RP1: variants seen among roughly 807,000 people sequenced by gnomAD.
RP1 encodes the protein oxygen-regulated protein 1.
Under a neutral mutation model 14.8 loss-of-function variants are expected in RP1, and 16 were observed. That is an observed-to-expected ratio of 1.08 (90% CI 0.73 to 1.65). RP1 has a LOEUF of 1.65. RP1 is among the 40% of genes most tolerant of loss of function. The pLI, the probability that RP1 is intolerant of heterozygous loss-of-function variation, is 0.00. For missense variants in RP1, 2,631 were observed against 2,535.0 expected (o/e 1.04, Z -0.81); for synonymous variants, 876 against 883.6 (o/e 0.99, Z 0.15).
At chr8:54,758,871 CCTCGGA>C in intron 21 of RP1, 1 of 1,519,390 alleles carries the variant, frequency 6.6e-7, no homozygotes, top group Non-Finnish European at 8.8e-7. Context: ...ATTTGTCATG[CCTCGGA>C]CTCTAGTTAT....
chr8:54,617,974 T>C (rs1362462315), intron 1 of RP1, among the ~76,000 whole-genome samples: 1 of 152,214 alleles, frequency 6.6e-6, no homozygotes, highest in Non-Finnish European at 1.5e-5. Context: ...TATCATAGGC[T>C]CTTAAGACTC....
chr8:54,784,767 T>G (rs1429799265), intron 24 of RP1, among the ~76,000 whole-genome samples: 1 of 152,114 alleles, frequency 6.6e-6, no homozygotes, highest in Non-Finnish European at 1.5e-5. Context: ...TTTAATAATT[T>G]TAATTAAAAT....
chr8:54,727,152 T>A (rs1030912180), intron 17 of RP1, among the ~76,000 whole-genome samples: 6 of 152,134 alleles, frequency 3.9e-5, no homozygotes, highest in African/African-American at 1.2e-4. Flanking sequence ...GTATGCTAGC[T>A]TTTCTTTTAG....
At position 54,625,231 on chromosome 8, in the gene RP1, C is replaced by G; in HGVS notation, c.1349C>G (p.Pro450Arg). Residue 450 changes from proline (P) to arginine (R), a missense_variant, in exon 4 of 4, where the codon CCT becomes CGT. Physicochemically the swap from Pro to Arg is moderately radical, Grantham distance 103. Coordinates refer to ENST00000220676, the MANE Select transcript of RP1 (RefSeq NM_006269.2). ...DQAKHRFYRP[P>R]TPGLRRVRQK... ...GCAAAGCATCGTTTTTATAGGCCCC[C>G]TACACCTGGACTAAGAAGAGTGAGA... 1 of 1,614,120 alleles carries G rather than the reference C, an allele frequency of 6.2e-7. No homozygotes were observed. The highest frequency in any genetic ancestry group is 1.1e-5 in the South Asian group (1 of 91,078).
At chr8:54,600,259 A>G (rs1035449182) in intron 1 of RP1, among the ~76,000 whole-genome samples, 1 of 152,190 alleles carries the variant, frequency 6.6e-6, no homozygotes, top group Non-Finnish European at 1.5e-5. Context: ...TAATGTAAGA[A>G]GTCCCTTTGC....
chr8:54,773,465 G>T (rs537502587), downstream of RP1, among the ~76,000 whole-genome samples: 1 of 151,800 alleles, frequency 6.6e-6, no homozygotes, highest in Non-Finnish European at 1.5e-5. Context: ...GGTGAAACTC[G>T]ATCTCTACTA....
exon 13 of RP1, chr8:54,699,552 T>C (rs1204294892): frequency 7.2e-7 from 1 of 1,389,458 alleles, no homozygotes; most frequent in Non-Finnish European, 9.5e-7. Context: ...CTCTTGACAA[T>C]GGCATTGTCA....
At chr8:54,700,459 A>G (rs1202240560) in intron 13 of RP1, among the ~76,000 whole-genome samples, 1 of 152,040 alleles carries the variant, frequency 6.6e-6, no homozygotes, top group Non-Finnish European at 1.5e-5. Context: ...CTAAGTGATC[A>G]GTCAGTCAGA....
intron 6 of RP1, among the ~76,000 whole-genome samples, chr8:54,661,916 T>C (rs1478088463): frequency 2.6e-5 from 4 of 152,138 alleles, no homozygotes; most frequent in Non-Finnish European, 4.4e-5. Flanking sequence ...TTAAAATTTG[T>C]TTATGATGCT....
intron 26 of RP1, among the ~76,000 whole-genome samples, chr8:54,855,433 C>A (rs1378152644): frequency 6.6e-6 from 1 of 152,102 alleles, no homozygotes; most frequent in Non-Finnish European, 1.5e-5. Context: ...ATGAACATGA[C>A]TAGACAGTTA....
intron 25 of RP1, among the ~76,000 whole-genome samples, chr8:54,848,183 C>G (rs1045223087): frequency 6.6e-6 from 1 of 152,160 alleles, no homozygotes; most frequent in Non-Finnish European, 1.5e-5. Flanking sequence ...GCAGTCATCT[C>G]GGGCAGCAAA....
intron 24 of RP1, among the ~76,000 whole-genome samples, chr8:54,796,784 A>G (rs1378855703): frequency 6.6e-6 from 1 of 152,154 alleles, no homozygotes; most frequent in African/African-American, 2.4e-5. Flanking sequence ...CCGTTGTTTT[A>G]AGCCACCCAG....
intron 15 of RP1, among the ~76,000 whole-genome samples, chr8:54,712,319 C>T (rs1351190090): frequency 1.3e-5 from 2 of 152,160 alleles, no homozygotes; most frequent in African/African-American, 4.8e-5. Flanking sequence ...TTTCCTTCAG[C>T]TTAAAATACT....
chr8:54,831,620 A>T, intron 24 of RP1, among the ~76,000 whole-genome samples: 1 of 151,824 alleles, frequency 6.6e-6, no homozygotes, highest in East Asian at 1.9e-4. Context: ...CCCATAAAAC[A>T]TAAAACATCC....
At chr8:54,664,295 AT>A (rs1374859817) in intron 7 of RP1, among the ~76,000 whole-genome samples, 1 of 152,164 alleles carries the variant, frequency 6.6e-6, no homozygotes, top group Non-Finnish European at 1.5e-5. Flanking sequence ...GATTTCATTG[AT>A]TAATGGACAT....
chr8:54,571,362 CTG>C (rs553803575), intron 1 of RP1, among the ~76,000 whole-genome samples: 279 of 152,308 alleles, frequency 1.8e-3, no homozygotes, highest in African/African-American at 5.7e-3. Context: ...TTGGCAGGGA[CTG>C]TGTCTTCCTG....
At chr8:54,680,897 G>T (rs1807411566) in intron 12 of RP1, among the ~76,000 whole-genome samples, 1 of 151,698 alleles carries the variant, frequency 6.6e-6, no homozygotes, top group South Asian at 2.1e-4. Context: ...GGTGGAGCTT[G>T]CAGTGAGCCG....
intron 24 of RP1, among the ~76,000 whole-genome samples, chr8:54,795,792 G>T (rs957339903): frequency 6.6e-6 from 1 of 151,840 alleles, no homozygotes; most frequent in Non-Finnish European, 1.5e-5. Flanking sequence ...TTTTTCTTGC[G>T]TTTTCAGGAT....
intron 19 of RP1, among the ~76,000 whole-genome samples, chr8:54,748,892 T>C (rs953710375): frequency 1.3e-5 from 2 of 152,146 alleles, no homozygotes; most frequent in Admixed American, 1.3e-4. Context: ...CAGGGTAGGA[T>C]TTCTAAAAGG....
Sources: allele counts gnomAD v4.1 joint callset (sites outside exome capture counted in the v4.1 genomes callset), GRCh38; gene constraint gnomAD v4.1.1; transcripts MANE v1.5; gene names NCBI Gene and HGNC (gene_info 2026-07-23, HGNC 2026-07-21).